CDK5: variants seen among roughly 807,000 people sequenced by gnomAD.
The protein encoded by CDK5 is cyclin dependent kinase 5.
CDK5 carries 18 observed loss-of-function variants against 44.6 expected under a neutral mutation model. The ratio of observed to expected loss-of-function variants is 0.40; its 90% CI spans 0.28 to 0.60. The LOEUF is 0.60. Ranked by LOEUF, CDK5 falls within the 20% of genes least tolerant of loss-of-function variation. The pLI is 0.38. For synonymous variants in CDK5, 143 were observed against 152.8 expected, an observed-to-expected ratio of 0.94 and a Z score of 0.47; for missense variants, 198 against 368.1, an observed-to-expected ratio of 0.54 and a Z score of 3.78.
Position 151,057,862 on chromosome 7 carries a change from G to A in CDK5, c.-14C>T, listed in dbSNP as rs548765893. 1.2e-6 allele frequency: 2 copies of A among 1,608,538 alleles called. No homozygotes were observed. The highest frequency in any genetic ancestry group is 1.7e-6 in the Non-Finnish European group (2 of 1,177,760). ...GTATTTCTGCATCGCGGCGGCCGCG[G>A]GGACCCCTGCGGGCCCTCGGTTTTA... On this transcript the variant is annotated 5_prime_UTR_variant, in exon 1 of 12. Transcript: ENST00000485972. The surrounding 1 kb of genome is among the most constrained non-coding windows in gnomAD (Gnocchi z 5.2).
At position 151,056,981 on chromosome 7, in the gene CDK5, T is replaced by C. The variant is rs753588894; in HGVS notation, c.127-6A>G. On this transcript the variant is annotated splice_polypyrimidine_tract_variant and splice_region_variant and intron_variant, in intron 2 of 11. Coordinates refer to ENST00000485972, the MANE Select transcript of CDK5 (RefSeq NM_004935.4). The surrounding 1 kb of genome is among the most constrained non-coding windows in gnomAD (Gnocchi z 4.7). ...AGGGCGGAACTCGGCACACCCTGCA[T>C]ATGTGAGGGGGCCGGTGGGCAGCAG... 5 of 1,613,822 alleles carry C rather than the reference T, an allele frequency of 3.1e-6. No individual in the cohort carries two copies. The highest frequency in any genetic ancestry group is 2.2e-5 in the South Asian group (2 of 91,070).
At position 151,057,737 on chromosome 7, in the gene CDK5, A is replaced by G; in HGVS notation, c.37+75T>C. 2 of 1,506,730 alleles carry G rather than the reference A, an allele frequency of 1.3e-6. No homozygotes were observed. The highest frequency in any genetic ancestry group is 1.8e-6 in the Non-Finnish European group (2 of 1,099,272). The allele number at this position is 1,506,730 out of a possible 1,614,324, so 93.3% of individuals were successfully genotyped here. A position where few individuals can be genotyped will look rare whatever the true frequency, so the allele number is the denominator to read the frequency against. ...GAGCCTGTAGGCATTGCTGACGGTA[A>G]GGGAGCCAGGGCTTCAAGGAATGCC... is the stretch of plus-strand genomic sequence containing the variant. On this transcript the variant is annotated intron_variant, in intron 1 of 11. Transcript: ENST00000485972. This position sits in a 1 kb window ranked among gnomAD's most constrained non-coding sequence, Gnocchi z 5.2.
At position 151,056,662 on chromosome 7, in the gene CDK5, T is replaced by C. The variant is rs1484669515; in HGVS notation, c.256-26A>G. Reference sequence around the variant, plus strand: ...CTGAAAAGGGATATGAGTGGGGGAATGGGACAGAGTTTAACCTCAATCTGG... The same window carrying C: ...CTGAAAAGGGATATGAGTGGGGGAACGGGACAGAGTTTAACCTCAATCTGG... On this transcript the variant is annotated intron_variant, in intron 4 of 11. Coordinates refer to ENST00000485972, the MANE Select transcript of CDK5 (RefSeq NM_004935.4). The surrounding 1 kb of genome is among the most constrained non-coding windows in gnomAD (Gnocchi z 4.7). The C allele has an allele frequency of 1.2e-6, 2 of 1,611,962 alleles. No homozygotes were observed. The highest frequency in any genetic ancestry group is 1.7e-6 in the Non-Finnish European group (2 of 1,178,946).
rs777914064 is a variant in CDK5, at chr7:151,054,276, G to A, written c.728C>T (p.Pro243Leu). Residue 243 changes from proline (P) to leucine (L), a missense_variant, in exon 11 of 12, where the codon CCG becomes CTG. Transcript: ENST00000485972. This position sits in a 1 kb window ranked among gnomAD's most constrained non-coding sequence, Gnocchi z 5.7. The part of the protein sequence containing the change: ...LPDYKPYPMY[P>L]ATTSLVNVVP... ...GACGTTCACCAGGGATGTTGTGGCC[G>A]GGTACATCGGATAGGGCTGTGGAGA... The A allele has an allele frequency of 6.2e-6, 10 of 1,613,634 alleles. No individual in the cohort carries two copies. In the East Asian group the frequency reaches 6.7e-5, roughly 11 times the overall value.
At position 151,056,943 on chromosome 7, in the gene CDK5, G is replaced by A; in HGVS notation, c.159C>T (p.Cys53=). 6.2e-7 allele frequency: 1 copy of A among 1,613,566 alleles called. No individual in the cohort carries two copies. The highest frequency in any genetic ancestry group is 8.5e-7 in the Non-Finnish European group (1 of 1,179,712). Residue 53 remains cysteine, a synonymous_variant, in exon 3 of 12, where the codon TGC becomes TGT. Transcript: ENST00000485972. The surrounding 1 kb of genome is among the most constrained non-coding windows in gnomAD (Gnocchi z 4.7). ...GVPSSALREI[C]LLKELKHKNI... is the part of the protein sequence containing the mutation. Reference sequence around the variant, plus strand: ...TCTTGTGCTTCAGCTCCTTGAGTAGGCAGATCTCCCGGAGGGCGGAACTCG... The same window carrying A: ...TCTTGTGCTTCAGCTCCTTGAGTAGACAGATCTCCCGGAGGGCGGAACTCG...
Position 151,056,195 on chromosome 7 carries a change from G to T in CDK5, c.313-347C>A. 1 of 506,990 alleles carries T rather than the reference G, an allele frequency of 2.0e-6. No homozygotes were observed. Among genetic ancestry groups the T allele is most frequent in the East Asian group, 3.3e-5 (1 of 30,500 alleles). The allele number at this position is 506,990 out of a possible 1,614,324, so 31.4% of individuals were successfully genotyped here. On this transcript the variant is annotated intron_variant, in intron 5 of 11. Transcript: ENST00000485972. This position sits in a 1 kb window ranked among gnomAD's most constrained non-coding sequence, Gnocchi z 4.7. ...CGCCGTGAACATCAACATAAATATCGTGCTGTAGTATCATTCAGGACTGGC... is the reference window on the plus strand; with the variant it reads ...CGCCGTGAACATCAACATAAATATCTTGCTGTAGTATCATTCAGGACTGGC...
Position 151,057,431 on chromosome 7 carries a change from GA to G in CDK5, c.38-272del. 1.7e-6 allele frequency: 1 copy of G among 592,408 alleles called. No homozygotes were observed. The highest frequency in any genetic ancestry group is 3.0e-6 in the Non-Finnish European group (1 of 332,466). 36.7% of individuals were successfully genotyped at this position (592,408 alleles called of 1,614,324 possible). On this transcript the variant is annotated intron_variant, in intron 1 of 11. Transcript: ENST00000485972. This position sits in a 1 kb window ranked among gnomAD's most constrained non-coding sequence, Gnocchi z 5.2. Reference sequence around the variant, plus strand: ...GAAGGCGGTGCTCCGGAAGGGTCTGGAAATAGTGAGGAGGGGTCTGGGAGAG... The same window carrying G: ...GAAGGCGGTGCTCCGGAAGGGTCTGGAATAGTGAGGAGGGGTCTGGGAGAG...
chr7:151,057,147 A>C lies in CDK5; in HGVS notation c.51T>G (p.Thr17=). The change falls in exon 2 of 12, where the codon ACT becomes ACG. Residue 17 remains threonine, a synonymous_variant. Transcript: ENST00000485972. This position sits in a 1 kb window ranked among gnomAD's most constrained non-coding sequence, Gnocchi z 5.2. ...LEKIGEGTYG[T]VFKAKNRETH... Reference sequence around the variant, plus strand: ...TCTCCCGGTTTTTGGCCTTGAACACAGTTCCGTAGGTGCCTAGGGGAAGGA... The same window carrying C: ...TCTCCCGGTTTTTGGCCTTGAACACCGTTCCGTAGGTGCCTAGGGGAAGGA... 5.0e-6 allele frequency: 8 copies of C among 1,613,922 alleles called. No individual in the cohort carries two copies. Among genetic ancestry groups the C allele is most frequent in the Non-Finnish European group, 6.8e-6 (8 of 1,179,812 alleles).
At position 151,053,963 on chromosome 7, in the gene CDK5, G is replaced by A; in HGVS notation, c.*46C>T. On this transcript the variant is annotated 3_prime_UTR_variant, in exon 12 of 12. Coordinates refer to ENST00000485972, the MANE Select transcript of CDK5 (RefSeq NM_004935.4). ...ACTGTCTCACCCCTCTCAAGAGGGG[G>A]CTTAAATAGGCCAGGCCCCAGCCTG... 1 of 1,502,782 alleles carries A rather than the reference G, an allele frequency of 6.7e-7. No individual in the cohort carries two copies. Among genetic ancestry groups the A allele is most frequent in the Non-Finnish European group, 9.0e-7 (1 of 1,105,222 alleles). The allele number at this position is 1,502,782 out of a possible 1,614,324, so 93.1% of individuals were successfully genotyped here.
In CDK5 at chr7:151,056,340, T is replaced by C. The variant is rs2069452; in HGVS notation, c.312+240A>G. 216,056 of 591,342 alleles carry C rather than the reference T, an allele frequency of 0.37. 40,498 individuals carry two copies. Among genetic ancestry groups the C allele is most frequent in the East Asian group, 0.44 (15,873 of 36,066 alleles). 36.6% of individuals were successfully genotyped at this position (591,342 alleles called of 1,614,324 possible). A position where few individuals can be genotyped will look rare whatever the true frequency, so the allele number is the denominator to read the frequency against. On this transcript the variant is annotated intron_variant, in intron 5 of 11. Coordinates refer to ENST00000485972, the MANE Select transcript of CDK5 (RefSeq NM_004935.4). The surrounding 1 kb of genome is among the most constrained non-coding windows in gnomAD (Gnocchi z 4.7). The stretch of plus-strand genomic sequence containing the variant: ...GTGTATCTCCTTGAACCTCATTTTC[T>C]CATCTCTCGAGTGTAAATAATATCA...
chr7:151,054,659 A>T lies in CDK5; in HGVS notation c.651-194T>A, dbSNP rs983913041. ...ACTCGCATATCCAGCCACGTTTCCC[A>T]TGACAATCACCTAACCCACATGCTG... On this transcript the variant is annotated intron_variant, in intron 9 of 11. Coordinates refer to ENST00000485972, the MANE Select transcript of CDK5 (RefSeq NM_004935.4). This position sits in a 1 kb window ranked among gnomAD's most constrained non-coding sequence, Gnocchi z 5.7. Among the ~76,000 whole-genome samples the T allele has an allele frequency of 2.0e-5, 3 of 152,136 alleles. No individual in the cohort carries two copies. The highest frequency in any genetic ancestry group is 4.4e-5 in the Non-Finnish European group (3 of 68,008).
chr7:151,057,360 C>CCAGGGGTTT lies in CDK5; in HGVS notation c.38-201_38-200insAAACCCCTG. ...GGTGCCCACCGAGGCTCCAGGGGCTCGGCAGGAGGGGCGAGTGCGGTTGCC... is the reference window on the plus strand; with the variant it reads ...GGTGCCCACCGAGGCTCCAGGGGCTCCAGGGGTTTGGCAGGAGGGGCGAGTGCGGTTGCC... On this transcript the variant is annotated intron_variant, in intron 1 of 11. Transcript: ENST00000485972. The surrounding 1 kb of genome is among the most constrained non-coding windows in gnomAD (Gnocchi z 5.2). 1.6e-6 allele frequency: 1 copy of CCAGGGGTTT among 620,480 alleles called. No homozygotes were observed. Among genetic ancestry groups the CCAGGGGTTT allele is most frequent in the African/African-American group, 1.8e-5 (1 of 54,502 alleles). The allele number at this position is 620,480 out of a possible 1,614,324, so 38.4% of individuals were successfully genotyped here. A position where few individuals can be genotyped will look rare whatever the true frequency, so the allele number is the denominator to read the frequency against.
Position 151,054,909 on chromosome 7 carries a change from A to C in CDK5, c.650+118T>G. The C allele has an allele frequency of 1.0e-6, 1 of 964,698 alleles. No homozygotes were observed. The highest frequency in any genetic ancestry group is 1.4e-5 in the South Asian group (1 of 70,874). The allele number at this position is 964,698 out of a possible 1,614,324, so 59.8% of individuals were successfully genotyped here. The stretch of plus-strand genomic sequence containing the variant: ...CCTGCTCTCTCCCCTTGCCCTCAGG[A>C]GAAGCCCTACAGACCCCATCACCCT... On this transcript the variant is annotated intron_variant, in intron 9 of 11. Transcript: ENST00000485972. The surrounding 1 kb of genome is among the most constrained non-coding windows in gnomAD (Gnocchi z 5.7).
Sources: gnomAD v4.1 joint callset for allele counts (sites outside exome capture counted in the v4.1 genomes callset) on GRCh38, gnomAD v4.1.1 for gene constraint, Gnocchi (gnomAD v3.1) non-coding constraint, MANE v1.5 for transcripts, NCBI Gene and HGNC (gene_info 2026-07-23, HGNC 2026-07-21) for gene names.